WNT5B: variants seen among roughly 807,000 people sequenced by gnomAD.
WNT5B encodes the protein protein Wnt-5b.
A neutral mutation model predicts 36.5 loss-of-function variants in WNT5B; 18 were observed. The ratio of observed to expected loss-of-function variants is 0.49; its 90% CI spans 0.34 to 0.73. The LOEUF (loss-of-function observed/expected upper bound fraction) is 0.73, where lower values mean the gene tolerates loss of function less well. Among genes scored for constraint, WNT5B ranks in the 30% least tolerant of loss-of-function variants. The probability of loss-of-function intolerance (pLI) is 0.01; values close to 1 mark genes in which losing one functional copy is unlikely to be tolerated. For missense variants in WNT5B, 424 were observed against 508.4 expected (o/e 0.83, Z 1.60); for synonymous variants, 213 against 212.3 (o/e 1.00, Z -0.03).
At chr12:1,637,106 C>A (rs755012773) in intron 3 of WNT5B, among the ~76,000 whole-genome samples, 1 of 152,068 alleles carries the variant, frequency 6.6e-6, no homozygotes, top group Non-Finnish European at 1.5e-5. Context: ...CCTGTCTCGG[C>A]CTCAAATTGC....
At chr12:1,623,190 T>G (rs796647901) in intron 1 of WNT5B, among the ~76,000 whole-genome samples, 100 of 90,346 alleles carry the variant, frequency 1.1e-3, no homozygotes, top group African/African-American at 3.4e-3. Context: ...TTTTGTTGTT[T>G]TTTTTTTTTT....
Position 1,646,077 on chromosome 12 carries a change from G to A in WNT5B, c.905G>A (p.Arg302His). ...ESTGSLGTQG[R>H]LCNKTSEGMD... ...ACGGGCTCCCTGGGCACGCAGGGCC[G>A]CCTCTGCAACAAGACCTCGGAGGGC... The change falls in exon 5 of 5, where the codon CGC (arginine) becomes CAC (histidine). Residue 302 changes from arginine (R) to histidine (H), a missense_variant. Arg to His is a conservative substitution (Grantham distance 29, BLOSUM62 0). Transcript: ENST00000397196. The A allele has an allele frequency of 1.2e-6, 2 of 1,613,820 alleles. No homozygotes were observed. The highest frequency in any genetic ancestry group is 1.7e-6 in the Non-Finnish European group (2 of 1,180,038).
chr12:1,641,312 G>A lies in WNT5B; in HGVS notation c.621+1336G>A, dbSNP rs916842850. Among the ~76,000 whole-genome samples, 4 of 149,660 alleles carry A rather than the reference G, an allele frequency of 2.7e-5. No individual in the cohort carries two copies. In the East Asian group the frequency reaches 7.9e-4, roughly 30 times the overall value. The stretch of plus-strand genomic sequence containing the variant: ...GAGGCAGGAGAATTGCTTGAACCTG[G>A]GAGGCGGAGGCTGCAGTGAGCCTAG... On this transcript the variant is annotated intron_variant, in intron 4 of 4. Coordinates refer to ENST00000397196, the MANE Select transcript of WNT5B (RefSeq NM_032642.3).
Position 1,630,870 on chromosome 12 carries a change from C to G in WNT5B, c.-57-428C>G, listed in dbSNP as rs1451769524. On this transcript the variant is annotated intron_variant, in intron 1 of 4. Coordinates refer to ENST00000397196, the MANE Select transcript of WNT5B (RefSeq NM_032642.3). This position sits in a 1 kb window ranked among gnomAD's most constrained non-coding sequence, Gnocchi z 5.3. ...GAGCCTGAGGGTCAGAGAAATAAGTCTCTGGGCTGGAATGAGAGGTAGGCA... is the reference window on the plus strand; with the variant it reads ...GAGCCTGAGGGTCAGAGAAATAAGTGTCTGGGCTGGAATGAGAGGTAGGCA... 6.5e-6 allele frequency: 1 copy of G among 153,884 alleles called. No individual in the cohort carries two copies. Among genetic ancestry groups the G allele is most frequent in the South Asian group, 2.0e-4 (1 of 4,982 alleles). 9.5% of individuals were successfully genotyped at this position (153,884 alleles called of 1,614,324 possible). A position where few individuals can be genotyped will look rare whatever the true frequency, so the allele number is the denominator to read the frequency against.
intron 1 of WNT5B, among the ~76,000 whole-genome samples, chr12:1,623,965 T>A (rs2094537765): frequency 6.6e-6 from 1 of 152,240 alleles, no homozygotes; most frequent in Non-Finnish European, 1.5e-5. Flanking sequence ...TCTAAGTGTG[T>A]GTATTAATAC....
chr12:1,619,940 T>C (rs1247704314), intron 1 of WNT5B, among the ~76,000 whole-genome samples: 1 of 152,048 alleles, frequency 6.6e-6, no homozygotes, highest in Non-Finnish European at 1.5e-5. Context: ...AAAATAAAAA[T>C]AAAAAAGGTC....
In WNT5B at chr12:1,639,984, G is replaced by C; in HGVS notation, c.621+8G>C. The stretch of plus-strand genomic sequence containing the variant: ...AACGAGGCCGGTCGCAGGGTAAGCT[G>C]GGCCTCCCCGGCCTCCCCAGCACTG... On this transcript the variant is annotated splice_region_variant and intron_variant, in intron 4 of 4. Transcript: ENST00000397196. 3.7e-6 allele frequency: 6 copies of C among 1,605,152 alleles called. No individual in the cohort carries two copies. The highest frequency in any genetic ancestry group is 5.1e-6 in the Non-Finnish European group (6 of 1,176,456).
At chr12:1,628,102 T>C (rs1458085649), upstream of WNT5B, among the ~76,000 whole-genome samples, 3 of 151,974 alleles carry the variant, frequency 2.0e-5, no homozygotes, top group African/African-American at 2.4e-5. Context: ...ATTTTGCATC[T>C]TTCCCTCCCC....
At chr12:1,624,610 A>G (rs571139628), upstream of WNT5B, among the ~76,000 whole-genome samples, 4 of 152,258 alleles carry the variant, frequency 2.6e-5, no homozygotes, top group South Asian at 8.3e-4. Context: ...TAGATGTGAA[A>G]CATTTAGTGC....
upstream of WNT5B, among the ~76,000 whole-genome samples, chr12:1,627,748 C>T (rs1303434264): frequency 1.3e-5 from 2 of 152,034 alleles, no homozygotes; most frequent in African/African-American, 4.8e-5. This position sits in a 1 kb window ranked among gnomAD's most constrained non-coding sequence, Gnocchi z 5.0. Flanking sequence ...CGTTACATCC[C>T]CTCCCACCAT....
chr12:1,626,043 A>G (rs550379927), upstream of WNT5B, among the ~76,000 whole-genome samples: 3 of 150,844 alleles, frequency 2.0e-5, no homozygotes, highest in Non-Finnish European at 4.4e-5. Context: ...CAATAGCACA[A>G]TCACGACTCA....
At chr12:1,635,163 C>T (rs28384804) in intron 3 of WNT5B, among the ~76,000 whole-genome samples, 2,083 of 152,246 alleles carry the variant, frequency 0.014, 24 homozygotes, top group East Asian at 0.048. Context: ...GATGAAGACC[C>T]GACTGAAAGA....
chr12:1,632,785 G>A lies in WNT5B; in HGVS notation c.208G>A (p.Ala70Thr), dbSNP rs754131705. 3 of 1,614,210 alleles carry A rather than the reference G, an allele frequency of 1.9e-6. No homozygotes were observed. The highest frequency in any genetic ancestry group is 2.2e-5 in the South Asian group (2 of 91,088). The change falls in exon 3 of 5, where the codon GCC (alanine) becomes ACC (threonine). Residue 70 changes from alanine to threonine, a missense_variant. Ala to Thr is a moderately conservative substitution (Grantham distance 58). Coordinates refer to ENST00000397196, the MANE Select transcript of WNT5B (RefSeq NM_032642.3). The surrounding 1 kb of genome is among the most constrained non-coding windows in gnomAD (Gnocchi z 5.8). ...GTGCCAATTGTACCAGGAGCACATGGCCTACATAGGGGAGGGAGCCAAGAC... is the reference window on the plus strand; with the variant it reads ...GTGCCAATTGTACCAGGAGCACATGACCTACATAGGGGAGGGAGCCAAGAC... ...KLCQLYQEHMAYIGEGAKTGI... is the reference protein window; with the variant it reads ...KLCQLYQEHMTYIGEGAKTGI...
rs112753984 is a variant in WNT5B at position 1,632,585 on chromosome 12, A to G, written c.81-73A>G. The G allele has an allele frequency of 1.5e-5, 22 of 1,515,594 alleles. No individual in the cohort carries two copies. Among genetic ancestry groups the G allele is most frequent in the African/African-American group, 1.1e-4 (8 of 71,986 alleles). 93.9% of individuals were successfully genotyped at this position (1,515,594 alleles called of 1,614,324 possible). On this transcript the variant is annotated intron_variant, in intron 2 of 4. Coordinates refer to ENST00000397196, the MANE Select transcript of WNT5B (RefSeq NM_032642.3). This position sits in a 1 kb window ranked among gnomAD's most constrained non-coding sequence, Gnocchi z 5.8. Reference sequence around the variant, plus strand: ...CGCATTCAATAAATGTGTTGAATGAATGACTTAATGCTGCACACAGGCGTA... The same window carrying G: ...CGCATTCAATAAATGTGTTGAATGAGTGACTTAATGCTGCACACAGGCGTA...
At chr12:1,636,543 T>C (rs1391480292) in intron 3 of WNT5B, among the ~76,000 whole-genome samples, 2 of 10,948 alleles carry the variant, frequency 1.8e-4, no homozygotes, top group African/African-American at 4.4e-4. Flanking sequence ...ATATATATAC[T>C]TTTTTTTTTT....
At position 1,646,031 on chromosome 12, in the gene WNT5B, T is replaced by A; in HGVS notation, c.859T>A (p.Tyr287Asn). The change falls in exon 5 of 5, where the codon TAC (tyrosine) becomes AAC (asparagine). Residue 287 changes from tyrosine to asparagine, a missense_variant. Physicochemically the swap from Tyr to Asn is moderately radical, Grantham distance 143. Transcript: ENST00000397196. ...GGTCTATGTGGACCCCAGCCCCGACTACTGCCTGCGCAACGAGAGCACGGG... is the reference window on the plus strand; with the variant it reads ...GGTCTATGTGGACCCCAGCCCCGACAACTGCCTGCGCAACGAGAGCACGGG... ...DLVYVDPSPD[Y>N]CLRNESTGSL... The A allele has an allele frequency of 1.2e-6, 2 of 1,613,182 alleles. No individual in the cohort carries two copies. Among genetic ancestry groups the A allele is most frequent in the Non-Finnish European group, 1.7e-6 (2 of 1,180,006 alleles).
At chr12:1,636,497 CTATA>C (rs56095993) in intron 3 of WNT5B, among the ~76,000 whole-genome samples, 2,948 of 80,780 alleles carry the variant, frequency 0.036, 54 homozygotes, top group Non-Finnish European at 0.041. Context: ...GTGTTGCAGT[CTATA>C]TATATATATA....
At chr12:1,620,229 C>G (rs983346002) in intron 1 of WNT5B, among the ~76,000 whole-genome samples, 17 of 152,280 alleles carry the variant, frequency 1.1e-4, no homozygotes, top group African/African-American at 3.4e-4. Context: ...CCCTTGGAAA[C>G]CACTCCCTGA....
chr12:1,639,172 C>G (rs980158479), intron 3 of WNT5B, among the ~76,000 whole-genome samples: 4 of 151,336 alleles, frequency 2.6e-5, no homozygotes, highest in Non-Finnish European at 4.4e-5. Context: ...GAGTCTCACT[C>G]TGTCGCCCAG....
Sources: gnomAD v4.1 joint callset for allele counts (sites outside exome capture counted in the v4.1 genomes callset) on GRCh38, gnomAD v4.1.1 for gene constraint, Gnocchi (gnomAD v3.1) non-coding constraint, MANE v1.5 for transcripts, NCBI Gene and HGNC (gene_info 2026-07-23, HGNC 2026-07-21) for gene names.